Variants in LINGO2 observed in about 807,000 individuals in gnomAD.
The protein encoded by LINGO2 is leucine-rich repeat and immunoglobulin-like domain-containing nogo receptor-interacting protein 2.
Under a neutral mutation model 30.6 loss-of-function variants are expected in LINGO2, and 14 were observed. The observed-to-expected ratio is 0.46, with a 90% confidence interval of 0.30 to 0.72. LINGO2 has a LOEUF of 0.72. Among genes scored for constraint, LINGO2 ranks in the 30% least tolerant of loss-of-function variants. The probability of loss-of-function intolerance (pLI) is 0.07; values close to 1 mark genes in which losing one functional copy is unlikely to be tolerated. For missense variants in LINGO2, 729 were observed against 751.7 expected, an observed-to-expected ratio of 0.97 and a Z score of 0.35; for synonymous variants, 317 against 288.5, an observed-to-expected ratio of 1.10 and a Z score of -1.00.
chr9:28,493,301 C>T (rs60574345), intron 1 of LINGO2, among the ~76,000 whole-genome samples: 9,344 of 152,218 alleles, frequency 0.061, 732 homozygotes, highest in East Asian at 0.19. Flanking sequence ...TCATCTCTCA[C>T]TGCCAGGGTA....
chr9:28,579,531 C>A (rs1587901716), intron 1 of LINGO2, among the ~76,000 whole-genome samples: 1 of 151,976 alleles, frequency 6.6e-6, no homozygotes, highest in East Asian at 1.9e-4. Context: ...GGTGGAAGTA[C>A]AATTTAGCAA....
intron 4 of LINGO2, among the ~76,000 whole-genome samples, chr9:28,104,814 T>G (rs533724766): frequency 6.6e-6 from 1 of 152,190 alleles, no homozygotes; most frequent in Non-Finnish European, 1.5e-5. Context: ...ATCAAAGAAA[T>G]ATTGTTCTAT....
the LINGO2 span, among the ~76,000 whole-genome samples, chr9:29,200,683 C>T: frequency 6.6e-6 from 1 of 152,062 alleles, no homozygotes; most frequent in Admixed American, 6.6e-5. Flanking sequence ...ACAAAAGTTA[C>T]ATTGCCGTTA....
the LINGO2 span, among the ~76,000 whole-genome samples, chr9:28,993,802 G>T: frequency 0.64 from 97,181 of 151,338 alleles, 32,049 homozygotes; most frequent in Non-Finnish European, 0.72. Context: ...AAAAGGCCTT[G>T]GAGAAAATTC....
the LINGO2 span, among the ~76,000 whole-genome samples, chr9:28,833,730 C>A: frequency 6.6e-6 from 1 of 152,132 alleles, no homozygotes; most frequent in Non-Finnish European, 1.5e-5. Context: ...TGGAGATGAA[C>A]GAATAAAATC....
At chr9:28,385,572 A>G (rs1026779903) in intron 2 of LINGO2, among the ~76,000 whole-genome samples, 20 of 152,290 alleles carry the variant, frequency 1.3e-4, no homozygotes, top group Admixed American at 7.2e-4. Context: ...GAAAGAAGGT[A>G]TATGCAGCTT....
At chr9:28,003,382 G>T (rs186693024) in intron 5 of LINGO2, among the ~76,000 whole-genome samples, 3,065 of 137,040 alleles carry the variant, frequency 0.022, 76 homozygotes, top group African/African-American at 0.073. Flanking sequence ...TAGATAGATA[G>T]ATATAGAGAG....
chr9:29,188,757 T>C, the LINGO2 span, among the ~76,000 whole-genome samples: 1 of 132,870 alleles, frequency 7.5e-6, no homozygotes, highest in Non-Finnish European at 1.6e-5. Flanking sequence ...GAGGGGCTCC[T>C]CACTTCCCAG....
At chr9:28,065,112 T>C (rs1825272251) in intron 4 of LINGO2, among the ~76,000 whole-genome samples, 1 of 151,876 alleles carries the variant, frequency 6.6e-6, no homozygotes, top group African/African-American at 2.4e-5. Context: ...ACAGGAAGTG[T>C]ATGGCCTAAA....
At chr9:28,136,740 A>G (rs1167493642) in intron 4 of LINGO2, among the ~76,000 whole-genome samples, 1 of 152,178 alleles carries the variant, frequency 6.6e-6, no homozygotes, top group Non-Finnish European at 1.5e-5. Flanking sequence ...TTTGTGTGTC[A>G]ACTGGACTGG....
the LINGO2 span, among the ~76,000 whole-genome samples, chr9:28,869,419 G>C: frequency 3.3e-5 from 5 of 152,034 alleles, no homozygotes; most frequent in African/African-American, 4.8e-5. Context: ...TTGACCAGGT[G>C]ACCAGAGGAT....
the LINGO2 span, among the ~76,000 whole-genome samples, chr9:28,858,685 G>T: frequency 3.3e-3 from 506 of 152,074 alleles, 6 homozygotes; most frequent in African/African-American, 0.011. Flanking sequence ...GCCTACCTAG[G>T]AGACCTCCAC....
intron 4 of LINGO2, among the ~76,000 whole-genome samples, chr9:28,058,161 T>C (rs1349825881): frequency 6.6e-6 from 1 of 152,108 alleles, no homozygotes; most frequent in African/African-American, 2.4e-5. Context: ...TAGTTGATAC[T>C]ACAAGGCTTA....
chr9:27,985,365 C>T (rs111576614), intron 5 of LINGO2, among the ~76,000 whole-genome samples: 3 of 151,982 alleles, frequency 2.0e-5, no homozygotes, highest in African/African-American at 7.2e-5. Flanking sequence ...AGTATACATC[C>T]AACATAAAAG....
chr9:28,858,826 G>A, the LINGO2 span, among the ~76,000 whole-genome samples: 9 of 152,194 alleles, frequency 5.9e-5, no homozygotes, highest in East Asian at 1.2e-3. Context: ...TGAATGGGAA[G>A]GTTATGATTT....
the LINGO2 span, among the ~76,000 whole-genome samples, chr9:28,995,383 A>T: frequency 2.0e-5 from 3 of 152,348 alleles, no homozygotes; most frequent in East Asian, 5.8e-4. Context: ...GGTGCTGGAG[A>T]GGATGTGGAG....
chr9:28,668,993 A>G (rs944369226), intron 1 of LINGO2, among the ~76,000 whole-genome samples: 1 of 152,094 alleles, frequency 6.6e-6, no homozygotes, highest in East Asian at 1.9e-4. Context: ...AATTTTATCA[A>G]TGATGCCTTT....
At chr9:28,439,184 A>G (rs1824086969) in intron 2 of LINGO2, among the ~76,000 whole-genome samples, 1 of 149,782 alleles carries the variant, frequency 6.7e-6, no homozygotes, top group African/African-American at 2.4e-5. Flanking sequence ...AGATAATGAA[A>G]TATAGATATC....
intron 5 of LINGO2, among the ~76,000 whole-genome samples, chr9:27,984,069 G>C (rs1208940554): frequency 6.6e-6 from 1 of 151,870 alleles, no homozygotes; most frequent in Non-Finnish European, 1.5e-5. Context: ...CTTATACTGT[G>C]TGGGGCAGTG....
Sources: gnomAD v4.1 joint callset for allele counts (sites outside exome capture counted in the v4.1 genomes callset) on GRCh38, gnomAD v4.1.1 for gene constraint, MANE v1.5 for transcripts, NCBI Gene and HGNC (gene_info 2026-07-23, HGNC 2026-07-21) for gene names.